The following STKLD1 variants were observed in gnomAD, a reference collection of about 807,000 sequenced individuals.
The protein encoded by STKLD1 is serine/threonine kinase like domain containing 1.
Under a neutral mutation model 80.4 loss-of-function variants are expected in STKLD1, and 79 were observed. The ratio of observed to expected loss-of-function variants is 0.98; its 90% CI spans 0.82 to 1.19. STKLD1 has a LOEUF of 1.19. STKLD1 is among the 50% of genes most tolerant of loss of function. The pLI is 0.00. For synonymous variants in STKLD1, 393 were observed against 357.6 expected (o/e 1.10, Z -1.12); for missense variants, 841 against 856.0 (o/e 0.98, Z 0.22).
Position 133,402,956 on chromosome 9 carries a change from A to G in STKLD1, c.1418A>G (p.Glu473Gly). 1.9e-6 allele frequency: 3 copies of G among 1,581,338 alleles called. No individual in the cohort carries two copies. The highest frequency in any genetic ancestry group is 2.6e-6 in the Non-Finnish European group (3 of 1,163,778). The change falls in exon 14 of 18, where the codon GAA (glutamate) becomes GGA (glycine). Residue 473 changes from glutamate (E) to glycine (G), a missense_variant. Coordinates refer to ENST00000371957, the MANE Select transcript of STKLD1 (RefSeq NM_153710.5). Reference protein sequence around the residue: ...HILEHLNSSLESRDVCASGLG... With the variant: ...HILEHLNSSLGSRDVCASGLG... ...CTGGAGCACCTCAACAGCTCCCTCG[A>G]AAGCAGGGACGTCTGCGCCAGCGGC...
At position 133,376,531 on chromosome 9, in the gene STKLD1, TC is replaced by T; in HGVS notation, c.63del (p.Gly22GlufsTer13). On this transcript the variant is annotated frameshift_variant, in exon 1 of 18. Transcript: ENST00000371957. LOFTEE classifies it high-confidence loss of function. ...CACGCAGGGGGAGCGAGGCCCAGGG[TC>T]CCCCGGAGAGCCCATGGAGAAGTAC... ...RPTQGERGPG[S>X]PGEPMEKYQV... 2 of 1,600,528 alleles carry T rather than the reference TC, an allele frequency of 1.2e-6. No individual in the cohort carries two copies. The highest frequency in any genetic ancestry group is 1.7e-6 in the Non-Finnish European group (2 of 1,175,368).
chr9:133,404,694 CTG>C, intron 16 of STKLD1, 93 bp from the exon 17 acceptor site: 1 of 1,512,774 alleles, frequency 6.6e-7, no homozygotes, highest in Non-Finnish European at 8.8e-7. Flanking sequence ...TCCCAGGCCC[CTG>C]TGTGAGCTCT....
intron 4 of STKLD1, 101 bp from the exon 5 acceptor site, chr9:133,387,346 C>A: frequency 2.2e-6 from 2 of 906,564 alleles, no homozygotes; most frequent in Non-Finnish European, 3.5e-6. Flanking sequence ...CCCACGGCCA[C>A]TGCAAATGGC....
At chr9:133,392,669 G>A (rs1365990559) in intron 7 of STKLD1, among the ~76,000 whole-genome samples, 2,851 of 115,608 alleles carry the variant, frequency 0.025, 352 homozygotes, top group African/African-American at 0.032. Context: ...ATGGGTGGGT[G>A]GGTGAGTGGA....
chr9:133,394,278 C>A lies in STKLD1; in HGVS notation c.584-13C>A. 6.3e-7 allele frequency: 1 copy of A among 1,591,174 alleles called. No individual in the cohort carries two copies. The highest frequency in any genetic ancestry group is 8.6e-7 in the Non-Finnish European group (1 of 1,159,206). Reference sequence around the variant, plus strand: ...CAAAGGACTCAGGGATCCCACCTTGCTTTTACCAACAGACCCCTTTCGTAA... The same window carrying A: ...CAAAGGACTCAGGGATCCCACCTTGATTTTACCAACAGACCCCTTTCGTAA... On this transcript the variant is annotated splice_polypyrimidine_tract_variant and intron_variant, in intron 7 of 17. Transcript: ENST00000371957. The surrounding 1 kb of genome is among the most constrained non-coding windows in gnomAD (Gnocchi z 4.9).
chr9:133,383,262 AG>A (rs1838184609), intron 2 of STKLD1, among the ~76,000 whole-genome samples: 1 of 47,532 alleles, frequency 2.1e-5, no homozygotes, highest in Non-Finnish European at 4.5e-5. Context: ...GTGGTGTTGG[AG>A]TGATGGTGGT....
intron 16 of STKLD1, among the ~76,000 whole-genome samples, chr9:133,404,518 C>T (rs587648454): frequency 6.6e-6 from 1 of 152,330 alleles, no homozygotes; most frequent in East Asian, 1.9e-4. Context: ...CAACTCCGGG[C>T]TCATGGTCTT....
intron 2 of STKLD1, among the ~76,000 whole-genome samples, chr9:133,380,563 G>A (rs1483730470): frequency 6.6e-6 from 1 of 152,122 alleles, no homozygotes; most frequent in Non-Finnish European, 1.5e-5. Flanking sequence ...TGACGCGGGA[G>A]AATTGCTTGA....
Position 133,394,798 on chromosome 9 carries a change from C to G in STKLD1, c.702+389C>G, listed in dbSNP as rs971069297. On this transcript the variant is annotated intron_variant, in intron 8 of 17. Transcript: ENST00000371957. This position sits in a 1 kb window ranked among gnomAD's most constrained non-coding sequence, Gnocchi z 4.9. The stretch of plus-strand genomic sequence containing the variant: ...TGAACACACCTGGCTGTCTCATGCA[C>G]AAGCCCCAGGCTGGTGTGGAGGTGC... The G allele has an allele frequency of 9.8e-6, 2 of 203,336 alleles. No individual in the cohort carries two copies. Among genetic ancestry groups the G allele is most frequent in the Admixed American group, 5.3e-5 (1 of 18,720 alleles). 12.6% of individuals were successfully genotyped at this position (203,336 alleles called of 1,614,324 possible).
At chr9:133,386,171 G>A (rs1223899171) in intron 4 of STKLD1, among the ~76,000 whole-genome samples, 3 of 152,266 alleles carry the variant, frequency 2.0e-5, no homozygotes, top group South Asian at 4.1e-4. Context: ...CGCCCGCCTC[G>A]GCCTCCCAAA....
chr9:133,380,185 G>A (rs1838098463), intron 2 of STKLD1, among the ~76,000 whole-genome samples: 2 of 152,082 alleles, frequency 1.3e-5, no homozygotes, highest in African/African-American at 2.4e-5. Context: ...ACAGGCACAC[G>A]CTGCCACGCC....
At chr9:133,402,015 T>C (rs1838719040) in intron 13 of STKLD1, 137 bp downstream of exon 13, 5 of 1,113,330 alleles carry the variant, frequency 4.5e-6, no homozygotes, top group Non-Finnish European at 6.2e-6. Context: ...ATGGTGGCAT[T>C]TGGCCGTCTT....
At chr9:133,391,687 C>T (rs1169191875) in intron 7 of STKLD1, among the ~76,000 whole-genome samples, 1 of 151,810 alleles carries the variant, frequency 6.6e-6, no homozygotes, top group Non-Finnish European at 1.5e-5. Context: ...AGAGTCATCA[C>T]CACTCCCTAA....
Position 133,404,034 on chromosome 9 carries a change from TG to T in STKLD1, c.1720del (p.Val574Ter). The stretch of plus-strand genomic sequence containing the variant: ...AATGCCTACCGGGGACTGGCCAGCC[TG>T]GTGAAGGTGTCAGGTGAGCCTGGGG... The part of the protein sequence containing the change: ...VNNAYRGLAS[L>X]VKVSELAAFK... On this transcript the variant is annotated frameshift_variant, in exon 16 of 18. Transcript: ENST00000371957. LOFTEE classifies it high-confidence loss of function. The T allele has an allele frequency of 2.5e-6, 4 of 1,606,118 alleles. No individual in the cohort carries two copies. The highest frequency in any genetic ancestry group is 2.6e-6 in the Non-Finnish European group (3 of 1,176,410).
intron 14 of STKLD1, among the ~76,000 whole-genome samples, chr9:133,403,249 G>A (rs1554778037): frequency 6.6e-6 from 1 of 152,258 alleles, no homozygotes; most frequent in African/African-American, 2.4e-5. Flanking sequence ...AGGACTTCTT[G>A]CCCAGTGGGC....
intron 8 of STKLD1, among the ~76,000 whole-genome samples, chr9:133,395,396 C>T (rs781859546): frequency 3.0e-4 from 46 of 152,152 alleles, no homozygotes; most frequent in Non-Finnish European, 3.2e-4. Flanking sequence ...GGAGACAACC[C>T]GCTGGCTTCT....
chr9:133,389,487 G>A lies in STKLD1; in HGVS notation c.397-39G>A. 6.2e-7 allele frequency: 1 copy of A among 1,608,874 alleles called. No individual in the cohort carries two copies. The highest frequency in any genetic ancestry group is 8.5e-7 in the Non-Finnish European group (1 of 1,178,170). On this transcript the variant is annotated intron_variant, in intron 5 of 17. Coordinates refer to ENST00000371957, the MANE Select transcript of STKLD1 (RefSeq NM_153710.5). This position sits in a 1 kb window ranked among gnomAD's most constrained non-coding sequence, Gnocchi z 6.4. ...GTCACCCCCCTGAAAGCAGCACAGG[G>A]TGCCCCTCCCATCCTGGCACCCCCT...
At chr9:133,396,512 G>C (rs1340849283) in intron 9 of STKLD1, among the ~76,000 whole-genome samples, 1 of 152,092 alleles carries the variant, frequency 6.6e-6, no homozygotes, top group Admixed American at 6.5e-5. Flanking sequence ...CCAGCAGTTT[G>C]GGAGGCTGAG....
At chr9:133,383,948 C>G (rs1292898102) in intron 3 of STKLD1, 48 bp downstream of exon 3, 2 of 1,553,830 alleles carry the variant, frequency 1.3e-6, no homozygotes, top group Admixed American at 3.3e-5. Flanking sequence ...ATGGAGCATA[C>G]ACAGACTGTG....
Sources: allele counts gnomAD v4.1 joint callset (sites outside exome capture counted in the v4.1 genomes callset), GRCh38; gene constraint gnomAD v4.1.1; non-coding constraint Gnocchi (gnomAD v3.1); transcripts MANE v1.5; gene names NCBI Gene and HGNC (gene_info 2026-07-23, HGNC 2026-07-21).